MARCHF1: variants seen among roughly 807,000 people sequenced by gnomAD.
MARCHF1 encodes E3 ubiquitin-protein ligase MARCHF1.
MARCHF1 carries 40 observed loss-of-function variants against 54.2 expected under a neutral mutation model. The observed-to-expected ratio is 0.74, with a 90% CI of 0.57 to 0.96. The LOEUF is 0.96. Among genes scored for constraint, MARCHF1 ranks in the 40% least tolerant of loss-of-function variants. The probability of loss-of-function intolerance (pLI) is 0.00; values close to 1 mark genes in which losing one functional copy is unlikely to be tolerated. For synonymous variants in MARCHF1, 236 were observed against 236.3 expected, an observed-to-expected ratio of 1.00 and a Z score of 0.01; for missense variants, 586 against 656.5, an observed-to-expected ratio of 0.89 and a Z score of 1.17.
At chr4:164,053,393 T>C (rs1463543913) in intron 2 of MARCHF1, among the ~76,000 whole-genome samples, 1 of 152,168 alleles carries the variant, frequency 6.6e-6, no homozygotes, top group Non-Finnish European at 1.5e-5. Context: ...TATTTCTCAT[T>C]CTAAGATGCC....
intron 1 of MARCHF1, among the ~76,000 whole-genome samples, chr4:164,174,576 A>C (rs1730614085): frequency 6.6e-6 from 1 of 152,098 alleles, no homozygotes; most frequent in Non-Finnish European, 1.5e-5. Context: ...GTATCTACTG[A>C]GATTGTTTCT....
chr4:163,639,368 T>C (rs191876341), intron 5 of MARCHF1, among the ~76,000 whole-genome samples: 15 of 152,304 alleles, frequency 9.8e-5, no homozygotes, highest in Admixed American at 9.8e-4. Flanking sequence ...ACATTGCTGG[T>C]ACTGAGACCA....
chr4:163,968,890 G>C (rs1447201018), intron 3 of MARCHF1, among the ~76,000 whole-genome samples: 1 of 152,090 alleles, frequency 6.6e-6, no homozygotes, highest in Non-Finnish European at 1.5e-5. Context: ...TCTAGACAAA[G>C]TGCATTAATT....
intron 1 of MARCHF1, among the ~76,000 whole-genome samples, chr4:164,256,026 C>T (rs1733269921): frequency 1.3e-5 from 2 of 151,962 alleles, no homozygotes; most frequent in South Asian, 4.1e-4. Context: ...CATGGTGGCT[C>T]ACACCTGTCA....
At chr4:163,751,559 A>C (rs1356889369) in intron 4 of MARCHF1, among the ~76,000 whole-genome samples, 1 of 149,120 alleles carries the variant, frequency 6.7e-6, no homozygotes, top group Admixed American at 6.8e-5. Flanking sequence ...AAAATACTGT[A>C]ATAAAACACA....
rs184856151 is a variant in MARCHF1, at chr4:164,206,162, C to T, written c.-322-94500G>A. 8.2e-3 allele frequency among the ~76,000 whole-genome samples: 1,249 copies of T among 152,200 alleles called. 5 individuals are homozygous for T. The highest frequency in any genetic ancestry group is 0.014 in the South Asian group (68 of 4,818). On this transcript the variant is annotated intron_variant, in intron 1 of 9. Transcript: ENST00000514618. ...AATAATAAATTTTATTTTGGCCAGG[C>T]GCGGTGGCTCATGCTTGCAATCCCA...
intron 1 of MARCHF1, among the ~76,000 whole-genome samples, chr4:164,139,890 T>C (rs191272924): frequency 3.2e-4 from 49 of 152,258 alleles, no homozygotes; most frequent in African/African-American, 1.2e-3. Flanking sequence ...AACAAAAATT[T>C]GACTTCAAAT....
chr4:163,630,169 G>C (rs1388077799), intron 5 of MARCHF1, among the ~76,000 whole-genome samples: 1 of 151,948 alleles, frequency 6.6e-6, no homozygotes, highest in Non-Finnish European at 1.5e-5. Flanking sequence ...TTTACAATAG[G>C]CCCAAACTGT....
chr4:163,547,955 A>T (rs1187247982), intron 8 of MARCHF1, among the ~76,000 whole-genome samples: 2 of 152,178 alleles, frequency 1.3e-5, no homozygotes. Context: ...CAAGCATAAC[A>T]AAGGGTAAAT....
chr4:163,847,625 G>C (rs1579336423), intron 4 of MARCHF1, among the ~76,000 whole-genome samples: 1 of 114,776 alleles, frequency 8.7e-6, no homozygotes, highest in African/African-American at 3.5e-5. Flanking sequence ...CTGTCACCCA[G>C]GCTGGAGTGC....
intron 5 of MARCHF1, among the ~76,000 whole-genome samples, chr4:163,614,237 C>T (rs994020020): frequency 6.6e-6 from 1 of 152,096 alleles, no homozygotes; most frequent in African/African-American, 2.4e-5. Flanking sequence ...TAATAACTAA[C>T]AGTTTTGAGT....
At chr4:163,615,577 A>C (rs1444834260) in intron 5 of MARCHF1, among the ~76,000 whole-genome samples, 1 of 123,636 alleles carries the variant, frequency 8.1e-6, no homozygotes, top group Non-Finnish European at 1.9e-5. Flanking sequence ...GAAATTGAAG[A>C]GGAATAAAAA....
rs942655211 is a variant in MARCHF1 at position 163,752,754 on chromosome 4, G to A, written c.112-51891C>T. ...AATCACAAATGTTTGATAAATGTTT[G>A]AAGCTATTCAACTTCATTTGTTATT... On this transcript the variant is annotated intron_variant, in intron 4 of 9. Coordinates refer to ENST00000514618, the MANE Select transcript of MARCHF1 (RefSeq NM_001394959.1). Among the ~76,000 whole-genome samples the A allele has an allele frequency of 1.3e-4, 20 of 152,262 alleles. No individual in the cohort carries two copies. In the South Asian group the frequency reaches 1.5e-3, roughly 11 times the overall value.
At chr4:163,905,145 C>T in intron 3 of MARCHF1, among the ~76,000 whole-genome samples, 1 of 152,022 alleles carries the variant, frequency 6.6e-6, no homozygotes, top group East Asian at 1.9e-4. Context: ...TTAGAGGAGG[C>T]AGGTGTTTCT....
intron 8 of MARCHF1, among the ~76,000 whole-genome samples, chr4:163,566,495 C>T (rs1004700872): frequency 5.9e-5 from 9 of 152,196 alleles, no homozygotes; most frequent in African/African-American, 1.7e-4. Flanking sequence ...GGTAACCTAA[C>T]AGACTGTGGT....
intron 3 of MARCHF1, among the ~76,000 whole-genome samples, chr4:163,857,603 T>G (rs1334541532): frequency 1.3e-5 from 2 of 152,158 alleles, no homozygotes; most frequent in African/African-American, 4.8e-5. Context: ...AAATTGAGAT[T>G]TAACTAAGCT....
intron 4 of MARCHF1, among the ~76,000 whole-genome samples, chr4:163,747,909 T>G (rs1746407552): frequency 6.6e-6 from 1 of 152,258 alleles, no homozygotes. Context: ...GCTAGGTGAC[T>G]GTCTGACTCT....
chr4:164,128,423 TAAG>T (rs1756232082), intron 1 of MARCHF1, among the ~76,000 whole-genome samples: 1 of 151,646 alleles, frequency 6.6e-6, no homozygotes, highest in Admixed American at 6.6e-5. Flanking sequence ...TCTTAAAAAT[TAAG>T]AAGAAAAAAG....
At chr4:164,313,365 A>T (rs1176191928) in intron 1 of MARCHF1, among the ~76,000 whole-genome samples, 2 of 151,530 alleles carry the variant, frequency 1.3e-5, no homozygotes, top group African/African-American at 4.9e-5. Context: ...AAAAAAAAAA[A>T]AAGTGTAGAT....
Sources: allele counts gnomAD v4.1 joint callset (sites outside exome capture counted in the v4.1 genomes callset), GRCh38; gene constraint gnomAD v4.1.1; transcripts MANE v1.5; gene names NCBI Gene and HGNC (gene_info 2026-07-23, HGNC 2026-07-21).